Variants in PRCD observed in about 807,000 individuals in gnomAD.
The protein encoded by PRCD is photoreceptor disc component, also known as photoreceptor disk component PRCD.
A neutral mutation model predicts 10.1 loss-of-function variants in PRCD; 12 were observed. That is an observed-to-expected ratio of 1.18 (90% confidence interval 0.76 to 1.92). PRCD has a LOEUF of 1.92. PRCD is among the 40% of genes most tolerant of loss of function. The pLI, the probability that PRCD is intolerant of heterozygous loss-of-function variation, is 0.00. For synonymous variants in PRCD, 31 were observed against 26.2 expected (o/e 1.18, Z -0.56); for missense variants, 61 against 72.2 (o/e 0.84, Z 0.56).
intron 3 of PRCD, 73 bp downstream of exon 3, chr17:76,542,706 C>A: frequency 1.1e-6 from 1 of 951,974 alleles, no homozygotes; most frequent in Non-Finnish European, 1.7e-6. Context: ...AGGCAAGTCC[C>A]GGCCATGTGG....
chr17:76,540,585 G>A lies in PRCD; in HGVS notation c.143+12G>A. 2 of 1,612,906 alleles carry A rather than the reference G, an allele frequency of 1.2e-6. No homozygotes were observed. Among genetic ancestry groups the A allele is most frequent in the Non-Finnish European group, 1.7e-6 (2 of 1,179,548 alleles). Reference sequence around the variant, plus strand: ...CAGTCCTCAGGCAGGTAAGGCAGGAGTCTGGGCTGGGGGAGGGAGGGTGCT... The same window carrying A: ...CAGTCCTCAGGCAGGTAAGGCAGGAATCTGGGCTGGGGGAGGGAGGGTGCT... On this transcript the variant is annotated intron_variant, in intron 2 of 4. Coordinates refer to ENST00000592014, the MANE Select transcript of PRCD (RefSeq NM_001077620.3). The surrounding 1 kb of genome is among the most constrained non-coding windows in gnomAD (Gnocchi z 5.0).
intron 1 of PRCD, chr17:76,552,113 A>G (rs190833906): frequency 5.3e-4 from 80 of 152,314 alleles, no homozygotes; most frequent in African/African-American, 1.8e-3. Flanking sequence ...TTTTTAAAAG[A>G]TATCATTTAG....
At position 76,531,872 on chromosome 17, in the gene PRCD, T is replaced by C; in HGVS notation, n.45+4039T>C. On this transcript the variant is annotated intron_variant and non_coding_transcript_variant, in intron 1 of 4. Coordinates refer to the PRCD transcript ENST00000397633. The surrounding 1 kb of genome is among the most constrained non-coding windows in gnomAD (Gnocchi z 7.4). Reference sequence around the variant, plus strand: ...CCCTCCTCCCTCTGGCCAAGCCGGCTCACCCCTACCAAGTCTGGCCATGTC... The same window carrying C: ...CCCTCCTCCCTCTGGCCAAGCCGGCCCACCCCTACCAAGTCTGGCCATGTC... 1 of 570,610 alleles carries C rather than the reference T, an allele frequency of 1.8e-6. No individual in the cohort carries two copies. Among genetic ancestry groups the C allele is most frequent in the Non-Finnish European group, 3.1e-6 (1 of 323,304 alleles). The allele number at this position is 570,610 out of a possible 1,614,324, so 35.3% of individuals were successfully genotyped here.
rs754000197 is a variant in PRCD, at chr17:76,540,213, A to G, written c.72A>G (p.Gln24=). 20 of 1,383,780 alleles carry G rather than the reference A, an allele frequency of 1.4e-5. 1 individual carries two copies. The South Asian group carries it at 2.3e-4, about 16-fold the overall frequency. The allele number at this position is 1,383,780 out of a possible 1,614,324, so 85.7% of individuals were successfully genotyped here. Residue 24 remains glutamine (Q), a splice_region_variant and synonymous_variant, in exon 1 of 5, where the codon CAA becomes CAG. Transcript: ENST00000592014. The surrounding 1 kb of genome is among the most constrained non-coding windows in gnomAD (Gnocchi z 5.0). ...LWRRRFANRV[Q]PEPSDVDGAA... is the part of the protein sequence containing the mutation. ...GCCGCCGATTTGCCAACCGAGTCCA[A>G]CCGTGAGAAACTGACCGGGCTATGG...
Position 76,540,434 on chromosome 17 carries a change from TG to T in PRCD, c.75-69del, listed in dbSNP as rs2074977257. On this transcript the variant is annotated intron_variant, in intron 1 of 4. Transcript: ENST00000592014. This position sits in a 1 kb window ranked among gnomAD's most constrained non-coding sequence, Gnocchi z 5.0. ...TCTACTCCCATAGCCCAATGCGGCC[TG>T]GACCTGTGGAGGGACAGTGAGGGGC... The T allele has an allele frequency of 6.5e-7, 1 of 1,544,440 alleles. No homozygotes were observed.
chr17:76,539,764 A>G (rs1057057918), upstream of PRCD, among the ~76,000 whole-genome samples: 1 of 152,176 alleles, frequency 6.6e-6, no homozygotes, highest in African/African-American at 2.4e-5. Flanking sequence ...CAACTCTGAA[A>G]GTGCCCTGTA....
At chr17:76,537,403 A>G, upstream of PRCD, 1 of 1,592,072 alleles carries the variant, frequency 6.3e-7, no homozygotes, top group Non-Finnish European at 8.5e-7. Flanking sequence ...CACCTACCTC[A>G]CCAGGATGGC....
In PRCD at chr17:76,540,643, G is replaced by T. The variant is rs970752458; in HGVS notation, c.143+70G>T. ...AAGCTGTGGCTGTGCATGCCTGGGG[G>T]TGCACGTGTGTGCCTGTGCGCGCCT... On this transcript the variant is annotated intron_variant, in intron 2 of 4. Coordinates refer to ENST00000592014, the MANE Select transcript of PRCD (RefSeq NM_001077620.3). The surrounding 1 kb of genome is among the most constrained non-coding windows in gnomAD (Gnocchi z 5.0). The T allele has an allele frequency of 3.5e-6, 5 of 1,440,270 alleles. No homozygotes were observed. Among genetic ancestry groups the T allele is most frequent in the African/African-American group, 1.4e-5 (1 of 71,560 alleles). The allele number at this position is 1,440,270 out of a possible 1,614,324, so 89.2% of individuals were successfully genotyped here.
chr17:76,529,120 C>T, intron 1 of PRCD: 2 of 983,308 alleles, frequency 2.0e-6, no homozygotes, highest in Non-Finnish European at 2.4e-6. Context: ...TGGCGCCTGG[C>T]CCACCCCTGC....
chr17:76,529,042 GC>G, intron 1 of PRCD: 2 of 826,070 alleles, frequency 2.4e-6, no homozygotes, highest in Non-Finnish European at 2.7e-6. Flanking sequence ...TGCAGTCATT[GC>G]GCCCCCCCCC....
In PRCD at chr17:76,528,716, A is replaced by G. The variant is rs2074796720; in HGVS notation, n.45+883A>G. 1 of 1,132,780 alleles carries G rather than the reference A, an allele frequency of 8.8e-7. No individual in the cohort carries two copies. Among genetic ancestry groups the G allele is most frequent in the Non-Finnish European group, 1.1e-6 (1 of 883,816 alleles). 70.2% of individuals were successfully genotyped at this position (1,132,780 alleles called of 1,614,324 possible). On this transcript the variant is annotated intron_variant and non_coding_transcript_variant, in intron 1 of 4. Transcript: ENST00000397633. The surrounding 1 kb of genome is among the most constrained non-coding windows in gnomAD (Gnocchi z 5.8). Reference sequence around the variant, plus strand: ...GGCTGGCGAGGCTCACTTCCTGCCAAGAGATCCGGCACAGTGCAGTTGAAA... The same window carrying G: ...GGCTGGCGAGGCTCACTTCCTGCCAGGAGATCCGGCACAGTGCAGTTGAAA...
intron 1 of PRCD, chr17:76,551,292 T>C (rs2075106654): frequency 6.6e-6 from 1 of 152,226 alleles, no homozygotes; most frequent in Non-Finnish European, 1.5e-5. Flanking sequence ...TGGAGAGACA[T>C]GCCCAGGAAA....
In PRCD at chr17:76,528,731, T is replaced by A; in HGVS notation, n.45+898T>A. ...CTTCCTGCCAAGAGATCCGGCACAG[T>A]GCAGTTGAAAGCAACCGTGAGACCC... On this transcript the variant is annotated intron_variant and non_coding_transcript_variant, in intron 1 of 4. Transcript: ENST00000397633. The surrounding 1 kb of genome is among the most constrained non-coding windows in gnomAD (Gnocchi z 5.8). The A allele has an allele frequency of 9.1e-7, 1 of 1,092,958 alleles. No individual in the cohort carries two copies. The highest frequency in any genetic ancestry group is 4.7e-5 in the South Asian group (1 of 21,368). 67.7% of individuals were successfully genotyped at this position (1,092,958 alleles called of 1,614,324 possible).
At chr17:76,541,919 G>T (rs1486946093) in intron 2 of PRCD, among the ~76,000 whole-genome samples, 1 of 152,224 alleles carries the variant, frequency 6.6e-6, no homozygotes, top group Non-Finnish European at 1.5e-5. Context: ...GGTGCAGAGT[G>T]ATTGCTCCAT....
At chr17:76,539,936 G>A (rs974958604), upstream of PRCD, 12 of 608,810 alleles carry the variant, frequency 2.0e-5, no homozygotes, top group South Asian at 2.1e-4. Flanking sequence ...TACCGCTGGA[G>A]GGGAGAACCT....
In PRCD at chr17:76,540,261, G is replaced by GC; in HGVS notation, c.74+46_74+47insC. 1 of 826,468 alleles carries GC rather than the reference G, an allele frequency of 1.2e-6. No individual in the cohort carries two copies. The highest frequency in any genetic ancestry group is 2.0e-6 in the Non-Finnish European group (1 of 498,394). The allele number at this position is 826,468 out of a possible 1,614,324, so 51.2% of individuals were successfully genotyped here. A position where few individuals can be genotyped will look rare whatever the true frequency, so the allele number is the denominator to read the frequency against. ...TGGCTGGCGGTTGGTCGGGGGGGGG[G>GC]GGCATGGGGCTGGGCTGCCACCAAG... On this transcript the variant is annotated intron_variant, in intron 1 of 4. Transcript: ENST00000592014. The surrounding 1 kb of genome is among the most constrained non-coding windows in gnomAD (Gnocchi z 5.0).
In PRCD at chr17:76,530,119, A is replaced by G. The variant is rs749430985; in HGVS notation, n.45+2286A>G. On this transcript the variant is annotated intron_variant and non_coding_transcript_variant, in intron 1 of 4. Transcript: ENST00000397633. This position sits in a 1 kb window ranked among gnomAD's most constrained non-coding sequence, Gnocchi z 6.1. Reference sequence around the variant, plus strand: ...AAACTGCTGGGAATGTTTCTCTACCACGGGAATGTTTCTCTACCACGCGTG... The same window carrying G: ...AAACTGCTGGGAATGTTTCTCTACCGCGGGAATGTTTCTCTACCACGCGTG... The G allele has an allele frequency of 2.8e-4, 279 of 981,644 alleles. No homozygotes were observed. The highest frequency in any genetic ancestry group is 3.3e-4 in the Non-Finnish European group (271 of 828,166). The allele number at this position is 981,644 out of a possible 1,614,324, so 60.8% of individuals were successfully genotyped here. A position where few individuals can be genotyped will look rare whatever the true frequency, so the allele number is the denominator to read the frequency against.
chr17:76,551,522 C>T (rs953192807), intron 1 of PRCD: 1 of 152,200 alleles, frequency 6.6e-6, no homozygotes, highest in African/African-American at 2.4e-5. Flanking sequence ...TATTTCTCCT[C>T]TTCCAGAAAG....
chr17:76,535,853 G>A (rs1355808316), upstream of PRCD, among the ~76,000 whole-genome samples: 1 of 152,216 alleles, frequency 6.6e-6, no homozygotes, highest in African/African-American at 2.4e-5. Flanking sequence ...TATCCGCACA[G>A]GTACCTGGCA....
Sources: allele counts gnomAD v4.1 joint callset (sites outside exome capture counted in the v4.1 genomes callset), GRCh38; gene constraint gnomAD v4.1.1; non-coding constraint Gnocchi (gnomAD v3.1); transcripts MANE v1.5; gene names NCBI Gene and HGNC (gene_info 2026-07-23, HGNC 2026-07-21).